Variants in MYRFL observed in about 807,000 individuals in gnomAD.
MYRFL encodes the protein myelin regulatory factor-like protein.
MYRFL carries 88 observed loss-of-function variants against 109.4 expected under a neutral mutation model. The observed-to-expected ratio is 0.80, with a 90% confidence interval of 0.68 to 0.96. MYRFL has a LOEUF of 0.96. MYRFL is among the 40% of genes least tolerant of loss of function. The pLI is 0.00. For missense variants in MYRFL, 957 were observed against 954.9 expected, an observed-to-expected ratio of 1.00 and a Z score of -0.03; for synonymous variants, 324 against 320.9, an observed-to-expected ratio of 1.01 and a Z score of -0.10.
intron 19 of MYRFL, among the ~76,000 whole-genome samples, chr12:69,947,985 G>A (rs7957029): frequency 0.035 from 5,292 of 152,188 alleles, 317 homozygotes; most frequent in African/African-American, 0.12. Flanking sequence ...AATTTAGTTT[G>A]TTGGGAGAGC....
Position 69,927,700 on chromosome 12 carries a change from C to T in MYRFL, c.1782C>T (p.Ala594=), listed in dbSNP as rs772737597. The change falls in exon 15 of 25, where the codon GCC becomes GCT. Residue 594 remains alanine (A), a synonymous_variant. Coordinates refer to ENST00000552032, the MANE Select transcript of MYRFL (RefSeq NM_182530.3). ...TCTTTTAAAGCAAATCTAGCAGAGCCGTTAGTGCATCTTCTCCAAGAAGGG... is the reference window on the plus strand; with the variant it reads ...TCTTTTAAAGCAAATCTAGCAGAGCTGTTAGTGCATCTTCTCCAAGAAGGG... ...EASTISKSSR[A]VSASSPRRAV... The T allele has an allele frequency of 6.5e-5, 99 of 1,533,098 alleles. 2 individuals are homozygous for T. The South Asian group carries it at 7.7e-4, about 12-fold the overall frequency. 95.0% of individuals were successfully genotyped at this position (1,533,098 alleles called of 1,614,324 possible).
chr12:69,864,915 TCTC>T (rs1884927206), intron 2 of MYRFL, among the ~76,000 whole-genome samples: 1 of 152,190 alleles, frequency 6.6e-6, no homozygotes, highest in Admixed American at 6.5e-5. Flanking sequence ...TTAAGTGTCT[TCTC>T]CTAAAGCGAA....
rs193284684 is a variant in MYRFL at position 69,876,358 on chromosome 12, G to A, written c.138-2670G>A. On this transcript the variant is annotated intron_variant, in intron 2 of 24. Coordinates refer to ENST00000552032, the MANE Select transcript of MYRFL (RefSeq NM_182530.3). ...TTTGTCTAGTTTCCAGTGTCTTTGG[G>A]TAGGTGGTGTTTTTTGTTTTGTTTT... 1.3e-4 allele frequency among the ~76,000 whole-genome samples: 20 copies of A among 152,064 alleles called. No homozygotes were observed. In the East Asian group the frequency reaches 3.5e-3, roughly 26 times the overall value.
At chr12:69,837,667 C>G (rs1269800031) in intron 1 of MYRFL, among the ~76,000 whole-genome samples, 3 of 152,296 alleles carry the variant, frequency 2.0e-5, no homozygotes, top group Middle Eastern at 3.4e-3. Context: ...TTGCAGTTTT[C>G]TAAGTCTCAT....
At chr12:69,844,580 G>T (rs984549248) in intron 1 of MYRFL, among the ~76,000 whole-genome samples, 1 of 152,132 alleles carries the variant, frequency 6.6e-6, no homozygotes, top group South Asian at 2.1e-4. Flanking sequence ...CTGGGGAGGC[G>T]GCGGGGCACG....
At chr12:69,948,520 AC>A (rs1955892847) in intron 19 of MYRFL, among the ~76,000 whole-genome samples, 2 of 152,206 alleles carry the variant, frequency 1.3e-5, no homozygotes, top group Non-Finnish European at 1.5e-5. Flanking sequence ...AGAAGAAAAC[AC>A]ACAGGATAGA....
intron 16 of MYRFL, among the ~76,000 whole-genome samples, chr12:69,934,537 C>T (rs182631059): frequency 6.6e-6 from 1 of 152,338 alleles, no homozygotes; most frequent in Admixed American, 6.5e-5. Flanking sequence ...TCTGGGTACC[C>T]ATGCTCGGTG....
intron 6 of MYRFL, among the ~76,000 whole-genome samples, chr12:69,889,608 A>G (rs750295450): frequency 9.2e-5 from 14 of 152,110 alleles, no homozygotes; most frequent in South Asian, 2.1e-4. Flanking sequence ...TAATCCCAGC[A>G]CTCTGGGAGG....
intron 15 of MYRFL, among the ~76,000 whole-genome samples, chr12:69,928,267 G>A (rs531609372): frequency 5.3e-5 from 8 of 152,338 alleles, no homozygotes; most frequent in South Asian, 4.1e-4. Flanking sequence ...AGTATTTATA[G>A]TTAAAGCGAA....
chr12:69,937,803 C>G (rs549046743), intron 19 of MYRFL, among the ~76,000 whole-genome samples: 4 of 152,258 alleles, frequency 2.6e-5, no homozygotes, highest in African/African-American at 9.6e-5. Flanking sequence ...TTTCCTTTCC[C>G]TTTTGACATT....
intron 19 of MYRFL, among the ~76,000 whole-genome samples, chr12:69,939,934 A>G (rs1955590973): frequency 6.6e-6 from 1 of 152,228 alleles, no homozygotes; most frequent in African/African-American, 2.4e-5. Context: ...ACTGGAAGAA[A>G]GGGTATCAGC....
At chr12:69,858,719 T>C (rs942467401) in intron 2 of MYRFL, among the ~76,000 whole-genome samples, 1 of 151,942 alleles carries the variant, frequency 6.6e-6, no homozygotes, top group Admixed American at 6.6e-5. Context: ...ATTGGTAGTT[T>C]GTTTCTTTTT....
At chr12:69,893,542 T>G (rs1887040692) in intron 7 of MYRFL, among the ~76,000 whole-genome samples, 1 of 152,202 alleles carries the variant, frequency 6.6e-6, no homozygotes, top group Non-Finnish European at 1.5e-5. Context: ...TGTTGTCTTG[T>G]GTTCTCATTG....
chr12:69,925,966 A>C (rs1955060681), intron 13 of MYRFL, among the ~76,000 whole-genome samples: 1 of 145,640 alleles, frequency 6.9e-6, no homozygotes, highest in Non-Finnish European at 1.5e-5. Context: ...AACTCAGAGA[A>C]AAGCCCAGGT....
intron 2 of MYRFL, among the ~76,000 whole-genome samples, chr12:69,855,751 T>G (rs1170926725): frequency 6.6e-6 from 1 of 152,168 alleles, no homozygotes; most frequent in Non-Finnish European, 1.5e-5. Context: ...ATAGTGATGA[T>G]TCATTTGTTG....
intron 1 of MYRFL, among the ~76,000 whole-genome samples, chr12:69,837,780 C>T (rs897534789): frequency 2.0e-5 from 3 of 152,152 alleles, no homozygotes; most frequent in African/African-American, 7.2e-5. Flanking sequence ...CTGGCTTTGG[C>T]GTCATTCCCT....
chr12:69,911,100 A>G (rs1382635880), intron 13 of MYRFL, among the ~76,000 whole-genome samples, 170 bp downstream of exon 13: 1 of 152,252 alleles, frequency 6.6e-6, no homozygotes, highest in Non-Finnish European at 1.5e-5. Flanking sequence ...TGATATTCAA[A>G]TTGATCATAA....
chr12:69,948,692 T>C (rs1955897871), intron 19 of MYRFL, among the ~76,000 whole-genome samples: 1 of 150,398 alleles, frequency 6.6e-6, no homozygotes, highest in Non-Finnish European at 1.5e-5. Flanking sequence ...TGGCAGCATA[T>C]GTGTTTACTT....
chr12:69,827,132 C>T (rs1326827405), intron 1 of MYRFL, among the ~76,000 whole-genome samples: 1 of 151,928 alleles, frequency 6.6e-6, no homozygotes, highest in Non-Finnish European at 1.5e-5. Context: ...TAATCAAACA[C>T]CATCTCATAT....
Sources: allele counts gnomAD v4.1 joint callset (sites outside exome capture counted in the v4.1 genomes callset), GRCh38; gene constraint gnomAD v4.1.1; transcripts MANE v1.5; gene names NCBI Gene and HGNC (gene_info 2026-07-23, HGNC 2026-07-21).